PCDHA2: variants seen among roughly 807,000 people sequenced by gnomAD.
The protein encoded by PCDHA2 is protocadherin alpha-2.
PCDHA2 carries 58 observed loss-of-function variants against 66.0 expected under a neutral mutation model. The observed-to-expected ratio is 0.88, with a 90% CI of 0.71 to 1.09. The LOEUF (loss-of-function observed/expected upper bound fraction) is 1.09, where lower values mean the gene tolerates loss of function less well. Among genes scored for constraint, PCDHA2 ranks in the 50% least tolerant of loss-of-function variants. PCDHA2 has a pLI of 0.00. For synonymous variants in PCDHA2, 634 were observed against 554.0 expected (o/e 1.14, Z -2.03); for missense variants, 1,267 against 1,242.3 (o/e 1.02, Z -0.30).
intron 1 of PCDHA2, among the ~76,000 whole-genome samples, chr5:140,899,481 G>T (rs2153464125): frequency 6.6e-6 from 1 of 152,230 alleles, no homozygotes; most frequent in East Asian, 1.9e-4. Flanking sequence ...CTGTTTATAT[G>T]CTGGATTACA....
At chr5:140,970,221 C>G (rs2096390879) in intron 1 of PCDHA2, among the ~76,000 whole-genome samples, 1 of 152,182 alleles carries the variant, frequency 6.6e-6, no homozygotes, top group South Asian at 2.1e-4. Context: ...TTAAATGCAG[C>G]CTGTAATCTT....
At position 141,005,728 on chromosome 5, in the gene PCDHA2, A is replaced by T. The variant is rs574255915; in HGVS notation, c.2537-3899A>T. On this transcript the variant is annotated intron_variant, in intron 3 of 3. Coordinates refer to ENST00000526136, the MANE Select transcript of PCDHA2 (RefSeq NM_018905.3). ...AAAAAAAAAAAAAAAAAAAAAAAAA[A>T]AAAGAATGGATGAGAAATCATTCAA... Among the ~76,000 whole-genome samples the T allele has an allele frequency of 1.3e-4, 19 of 150,362 alleles. No homozygotes were observed. The South Asian group carries it at 1.7e-3, about 13-fold the overall frequency.
At chr5:140,801,555 G>C in intron 1 of PCDHA2, 2 of 1,614,270 alleles carry the variant, frequency 1.2e-6, no homozygotes, top group Non-Finnish European at 1.7e-6. Context: ...TTTCCATGTG[G>C]AGGTGGAAGT....
At chr5:140,838,902 A>G (rs1775938113) in intron 1 of PCDHA2, among the ~76,000 whole-genome samples, 1 of 152,028 alleles carries the variant, frequency 6.6e-6, no homozygotes, top group Non-Finnish European at 1.5e-5. Context: ...GTGACAGAGC[A>G]ATACCTTGCC....
intron 3 of PCDHA2, among the ~76,000 whole-genome samples, chr5:140,994,117 G>A (rs889813029): frequency 2.6e-5 from 4 of 152,198 alleles, no homozygotes; most frequent in Admixed American, 6.5e-5. Flanking sequence ...ATTGTCATGT[G>A]ATAAGGGCGA....
At chr5:140,824,784 T>G (rs1418969711) in intron 1 of PCDHA2, 1 of 151,890 alleles carries the variant, frequency 6.6e-6, no homozygotes, top group East Asian at 1.9e-4. Context: ...AACACCACCC[T>G]TCCAATTTTG....
intron 1 of PCDHA2, chr5:140,883,598 G>A: frequency 6.2e-7 from 1 of 1,614,008 alleles, no homozygotes; most frequent in Middle Eastern, 1.7e-4. Context: ...CGTGTCGGTG[G>A]GGGTGGCCGA....
chr5:140,897,636 C>A (rs2066236074), intron 1 of PCDHA2, among the ~76,000 whole-genome samples: 1 of 152,038 alleles, frequency 6.6e-6, no homozygotes, highest in African/African-American at 2.4e-5. Context: ...GTGTATAGTG[C>A]CACAATAAAC....
chr5:140,946,574 G>A (rs246054), intron 1 of PCDHA2, among the ~76,000 whole-genome samples: 79,382 of 143,554 alleles, frequency 0.55, 22,609 homozygotes, highest in African/African-American at 0.68. Context: ...AATCAACTTA[G>A]GTGTTCATAG....
intron 1 of PCDHA2, among the ~76,000 whole-genome samples, chr5:140,899,127 C>G (rs1487430888): frequency 2.0e-4 from 30 of 152,302 alleles, no homozygotes; most frequent in African/African-American, 7.0e-4. Context: ...ACAATCATGT[C>G]TTCTGCAAAC....
intron 1 of PCDHA2, chr5:140,871,192 G>C (rs1582019516): frequency 6.2e-7 from 1 of 1,613,550 alleles, no homozygotes; most frequent in Non-Finnish European, 8.5e-7. Context: ...GGATGTCAAC[G>C]TGTACCTGAT....
intron 1 of PCDHA2, among the ~76,000 whole-genome samples, chr5:140,900,073 G>C (rs1490261769): frequency 6.6e-6 from 1 of 152,072 alleles, no homozygotes; most frequent in South Asian, 2.1e-4. Context: ...GCCTCCAAAA[G>C]TGCTGCAGTT....
intron 1 of PCDHA2, among the ~76,000 whole-genome samples, chr5:140,936,151 C>G (rs947807537): frequency 6.6e-6 from 1 of 152,128 alleles, no homozygotes; most frequent in Non-Finnish European, 1.5e-5. Context: ...CCTTGGCCTC[C>G]TAAAGTGCTG....
chr5:140,829,832 G>A, intron 1 of PCDHA2: 1 of 1,613,932 alleles, frequency 6.2e-7, no homozygotes, highest in Non-Finnish European at 8.5e-7. Flanking sequence ...GAGCGAGCTG[G>A]TGCCGCGGTC....
intron 2 of PCDHA2, among the ~76,000 whole-genome samples, chr5:140,979,303 C>A (rs1048294748): frequency 6.6e-6 from 1 of 152,148 alleles, no homozygotes; most frequent in Non-Finnish European, 1.5e-5. Context: ...CTCCTTCATC[C>A]CTCTCTACCT....
chr5:140,900,502 C>T (rs1242310833), intron 1 of PCDHA2, among the ~76,000 whole-genome samples: 3 of 152,184 alleles, frequency 2.0e-5, no homozygotes, highest in Non-Finnish European at 4.4e-5. Context: ...GTCTCAAATT[C>T]CCAGCCTCAG....
intron 1 of PCDHA2, chr5:140,856,875 T>C (rs782182859): frequency 1.3e-6 from 2 of 1,595,778 alleles, no homozygotes; most frequent in Non-Finnish European, 1.7e-6. Flanking sequence ...AACAAGGAAA[T>C]GATGTATTCA....
chr5:140,824,115 C>T, intron 1 of PCDHA2: 1 of 1,613,932 alleles, frequency 6.2e-7, no homozygotes, highest in South Asian at 1.1e-5. Flanking sequence ...AGGGTCCCAC[C>T]TCTACAGACA....
chr5:140,825,061 G>T (rs1768438127), intron 1 of PCDHA2: 1 of 151,790 alleles, frequency 6.6e-6, no homozygotes, highest in Admixed American at 6.6e-5. Flanking sequence ...CCTTCATGAA[G>T]CCAAAACATT....
Sources: allele counts gnomAD v4.1 joint callset (sites outside exome capture counted in the v4.1 genomes callset), GRCh38; gene constraint gnomAD v4.1.1; transcripts MANE v1.5; gene names NCBI Gene and HGNC (gene_info 2026-07-23, HGNC 2026-07-21).